EVA1C: variants seen among roughly 807,000 people sequenced by gnomAD.
The protein encoded by EVA1C is eva-1 homolog C.
Under a neutral mutation model 45.4 loss-of-function variants are expected in EVA1C, and 25 were observed. That is an observed-to-expected ratio of 0.55 (90% CI 0.40 to 0.77). EVA1C has a LOEUF of 0.77. Among genes scored for constraint, EVA1C ranks in the 30% least tolerant of loss-of-function variants. The probability of loss-of-function intolerance (pLI) is 0.00; values close to 1 mark genes in which losing one functional copy is unlikely to be tolerated. For synonymous variants in EVA1C, 190 were observed against 221.2 expected (o/e 0.86, Z 1.25); for missense variants, 479 against 554.8 (o/e 0.86, Z 1.37).
At chr21:32,498,553 A>G (rs942375267) in intron 5 of EVA1C, among the ~76,000 whole-genome samples, 1 of 151,314 alleles carries the variant, frequency 6.6e-6, no homozygotes, top group Non-Finnish European at 1.5e-5. Context: ...GTTGTGACAA[A>G]TGCTATTTTA....
intron 7 of EVA1C, among the ~76,000 whole-genome samples, chr21:32,506,777 A>G (rs1307521750): frequency 2.0e-5 from 3 of 152,280 alleles, no homozygotes; most frequent in Admixed American, 1.3e-4. Flanking sequence ...CCACCAGCCA[A>G]TGTCACACAG....
At chr21:32,455,975 C>T (rs147857527) in intron 2 of EVA1C, among the ~76,000 whole-genome samples, 1,550 of 152,250 alleles carry the variant, frequency 0.01, 14 homozygotes, top group Non-Finnish European at 0.016. Flanking sequence ...TTACCACAAC[C>T]TCTGCCTCCC....
intron 3 of EVA1C, among the ~76,000 whole-genome samples, chr21:32,458,378 G>A (rs2035866242): frequency 6.6e-6 from 1 of 152,130 alleles, no homozygotes; most frequent in South Asian, 2.1e-4. Context: ...CCAAGAGCCT[G>A]CCTGAGATAA....
intron 3 of EVA1C, 102 bp from the exon 4 acceptor site, chr21:32,467,594 C>G: frequency 8.3e-7 from 1 of 1,198,082 alleles, no homozygotes; most frequent in Non-Finnish European, 1.1e-6. Flanking sequence ...GCCCCCTTCT[C>G]AGGGTGCAGC....
intron 1 of EVA1C, among the ~76,000 whole-genome samples, chr21:32,427,550 T>C (rs560237271): frequency 5.5e-4 from 84 of 151,788 alleles, no homozygotes; most frequent in African/African-American, 2.0e-3. Context: ...CCATCTCTAC[T>C]AAAAATACAA....
intron 3 of EVA1C, among the ~76,000 whole-genome samples, chr21:32,462,744 T>C (rs965494288): frequency 7.2e-5 from 11 of 152,360 alleles, no homozygotes; most frequent in African/African-American, 2.4e-4. Flanking sequence ...CCACAAACAG[T>C]AGCATGAGTG....
chr21:32,475,878 TTTATCTATC>T lies in EVA1C; in HGVS notation c.634+8032_634+8040del, dbSNP rs1478681983. 1.8e-3 allele frequency among the ~76,000 whole-genome samples: 261 copies of T among 148,092 alleles called. 3 individuals are homozygous for T. Among genetic ancestry groups the T allele is most frequent in the African/African-American group, 5.7e-3 (227 of 40,086 alleles). On this transcript the variant is annotated intron_variant, in intron 4 of 7. Coordinates refer to ENST00000300255, the MANE Select transcript of EVA1C (RefSeq NM_058187.5). The stretch of plus-strand genomic sequence containing the variant: ...TCTTCACAGAGTTCTTTCTAAAAAC[TTTATCTATC>T]TATCTATCTATCTATCTATCTATCT...
At chr21:32,488,267 C>A (rs1345598418) in intron 4 of EVA1C, among the ~76,000 whole-genome samples, 1 of 152,156 alleles carries the variant, frequency 6.6e-6, no homozygotes. Context: ...GTAGGACACA[C>A]AGTTGGTATT....
intron 1 of EVA1C, among the ~76,000 whole-genome samples, chr21:32,427,646 G>A (rs1424249084): frequency 6.6e-6 from 1 of 151,744 alleles, no homozygotes; most frequent in African/African-American, 2.4e-5. Context: ...CTGGGAGGCG[G>A]AGGTTGCAGT....
At chr21:32,490,380 A>G (rs1173421581) in intron 4 of EVA1C, among the ~76,000 whole-genome samples, 4 of 152,148 alleles carry the variant, frequency 2.6e-5, no homozygotes, top group African/African-American at 9.7e-5. Flanking sequence ...TTCAAGGTTC[A>G]TCCAAGTTGT....
chr21:32,496,163 A>C (rs563521071), intron 5 of EVA1C, among the ~76,000 whole-genome samples: 2 of 152,202 alleles, frequency 1.3e-5, no homozygotes, highest in Non-Finnish European at 2.9e-5. Context: ...CATTCATTAC[A>C]CCTGCCCCAT....
chr21:32,443,409 A>G (rs973404756), intron 1 of EVA1C, among the ~76,000 whole-genome samples: 3 of 152,034 alleles, frequency 2.0e-5, no homozygotes, highest in Admixed American at 2.0e-4. Context: ...TGTGGCAAGG[A>G]CCTGTAATTC....
intron 4 of EVA1C, among the ~76,000 whole-genome samples, chr21:32,483,801 G>T (rs2036874393): frequency 6.6e-6 from 1 of 152,104 alleles, no homozygotes; most frequent in South Asian, 2.1e-4. Context: ...CCCAGCACCT[G>T]ATTCTTTTTA....
At chr21:32,414,682 C>T (rs1299625765) in intron 1 of EVA1C, among the ~76,000 whole-genome samples, 3 of 152,248 alleles carry the variant, frequency 2.0e-5, no homozygotes, top group Admixed American at 2.0e-4. Flanking sequence ...TGATTTGATA[C>T]ATGTTATTCT....
intron 4 of EVA1C, among the ~76,000 whole-genome samples, chr21:32,485,563 C>G (rs1435566903): frequency 1.3e-5 from 2 of 152,140 alleles, no homozygotes; most frequent in Admixed American, 1.3e-4. Context: ...CTTGTCCTGG[C>G]TCCTCATGGG....
At position 32,501,484 on chromosome 21, in the gene EVA1C, A is replaced by C. The variant is rs773681344; in HGVS notation, c.848A>C (p.Asp283Ala). ...CTAAAACCTTCTTTGAAGCAGAAAG[A>C]TGGTGAATATGGTAATTTTTATGGC... ...ANLKPSLKQK[D>A]GEYGINFDPS... The change falls in exon 6 of 8, where the codon GAT becomes GCT. Residue 283 changes from aspartate (D) to alanine (A), a missense_variant. This residue lies in a region of EVA1C where 366 missense variants were observed against 426.1 expected (regional missense o/e 0.86). Coordinates refer to ENST00000300255, the MANE Select transcript of EVA1C (RefSeq NM_058187.5). 3 of 1,594,318 alleles carry C rather than the reference A, an allele frequency of 1.9e-6. No individual in the cohort carries two copies. The highest frequency in any genetic ancestry group is 1.7e-5 in the Admixed American group (1 of 59,824).
intron 4 of EVA1C, among the ~76,000 whole-genome samples, chr21:32,470,908 G>A (rs1267693794): frequency 2.0e-5 from 3 of 151,898 alleles, no homozygotes; most frequent in African/African-American, 4.8e-5. Context: ...ACAGGCGCCC[G>A]CCACCATGCC....
chr21:32,457,117 C>T (rs2035811161), intron 2 of EVA1C, among the ~76,000 whole-genome samples: 3 of 152,190 alleles, frequency 2.0e-5, no homozygotes, highest in African/African-American at 7.2e-5. Flanking sequence ...TCCCCAAGAG[C>T]TCCCCGATGC....
chr21:32,448,894 G>GA (rs971972500), intron 1 of EVA1C, among the ~76,000 whole-genome samples: 4 of 128,970 alleles, frequency 3.1e-5, no homozygotes, highest in African/African-American at 8.5e-5. Context: ...GGGTGACAAA[G>GA]AAAAAAAAAG....
Sources: gnomAD v4.1 joint callset for allele counts (sites outside exome capture counted in the v4.1 genomes callset) on GRCh38, gnomAD v4.1.1 for gene constraint, gnomAD v4.1.1 regional missense constraint, MANE v1.5 for transcripts, NCBI Gene and HGNC (gene_info 2026-07-23, HGNC 2026-07-21) for gene names.